Variants in SCUBE2 observed in about 807,000 individuals in gnomAD.
The protein encoded by SCUBE2 is signal peptide, CUB and EGF-like domain-containing protein 2.
SCUBE2 carries 114 observed loss-of-function variants against 125.9 expected under a neutral mutation model. The ratio of observed to expected loss-of-function variants is 0.91; its 90% CI spans 0.78 to 1.06. SCUBE2 has a LOEUF of 1.06. Ranked by LOEUF, SCUBE2 falls within the 50% of genes least tolerant of loss-of-function variation. The probability of loss-of-function intolerance (pLI) is 0.00; values close to 1 mark genes in which losing one functional copy is unlikely to be tolerated. For missense variants in SCUBE2, 1,255 were observed against 1,301.8 expected (o/e 0.96, Z 0.55); for synonymous variants, 459 against 492.9 (o/e 0.93, Z 0.91).
intron 16 of SCUBE2, among the ~76,000 whole-genome samples, chr11:9,039,156 A>AGAT (rs78419921): frequency 0.1 from 15,289 of 152,114 alleles, 1,409 homozygotes; most frequent in African/African-American, 0.24. Flanking sequence ...TGTTTTTAAG[A>AGAT]GATGTCCTGG....
chr11:9,051,760 A>G (rs976841442), intron 13 of SCUBE2, among the ~76,000 whole-genome samples: 3 of 152,238 alleles, frequency 2.0e-5, no homozygotes, highest in African/African-American at 7.2e-5. Flanking sequence ...ATTTAAAAAA[A>G]GGAAAATGTT....
chr11:9,024,119 G>T, intron 21 of SCUBE2: 1 of 726,024 alleles, frequency 1.4e-6, no homozygotes, highest in Non-Finnish European at 1.8e-6. Context: ...GGCATACACT[G>T]CATTATGCGT....
intron 4 of SCUBE2, 121 bp downstream of exon 4, chr11:9,074,354 ACTCGTC>A (rs1381498745): frequency 8.4e-7 from 1 of 1,187,028 alleles, no homozygotes; most frequent in Non-Finnish European, 1.2e-6. Context: ...TGGAGTCTGG[ACTCGTC>A]CTCAGGCCTC....
intron 16 of SCUBE2, among the ~76,000 whole-genome samples, chr11:9,039,939 T>C (rs1392663197): frequency 6.6e-6 from 1 of 152,224 alleles, no homozygotes; most frequent in East Asian, 1.9e-4. Flanking sequence ...AAAGCAGCTT[T>C]GATGGATTCC....
At chr11:9,065,745 A>G in intron 7 of SCUBE2, 146 bp downstream of exon 7, 1 of 657,272 alleles carries the variant, frequency 1.5e-6, no homozygotes, top group Non-Finnish European at 2.7e-6. Context: ...GGTGAAGAAC[A>G]GACACACACC....
Position 9,091,282 on chromosome 11 carries a change from T to G in SCUBE2, c.133+114A>C. Reference sequence around the variant, plus strand: ...GGGGGAGCAGAGGCCCCCGCGGAGCTGCAGCCGCCAGCCCCGAGCCCCGCG... The same window carrying G: ...GGGGGAGCAGAGGCCCCCGCGGAGCGGCAGCCGCCAGCCCCGAGCCCCGCG... On this transcript the variant is annotated intron_variant, in intron 1 of 22. Coordinates refer to ENST00000649792, the MANE Select transcript of SCUBE2 (RefSeq NM_001367977.2). This position sits in a 1 kb window ranked among gnomAD's most constrained non-coding sequence, Gnocchi z 8.5. 1 of 739,224 alleles carries G rather than the reference T, an allele frequency of 1.4e-6. No individual in the cohort carries two copies. Among genetic ancestry groups the G allele is most frequent in the African/African-American group, 1.9e-5 (1 of 53,682 alleles). The allele number at this position is 739,224 out of a possible 1,614,324, so 45.8% of individuals were successfully genotyped here.
At chr11:9,045,404 T>A (rs780983873) in intron 16 of SCUBE2, among the ~76,000 whole-genome samples, 10 of 152,074 alleles carry the variant, frequency 6.6e-5, no homozygotes, top group Non-Finnish European at 7.4e-5. Context: ...ACATAATGGT[T>A]CCATCTCTCC....
rs1384783942 is a variant in SCUBE2, at chr11:9,089,830, C to G, written c.134-1G>C. On this transcript the variant is annotated splice_acceptor_variant, in intron 1 of 22. Transcript: ENST00000649792. LOFTEE classifies it high-confidence loss of function. ...AGCCCTTGGGCACACTCATCTACAT[C>G]TGCAAAAGAGCACAGCTGACACCTG... is the stretch of plus-strand genomic sequence containing the variant. 2.5e-6 allele frequency: 4 copies of G among 1,613,380 alleles called. No individual in the cohort carries two copies. The highest frequency in any genetic ancestry group is 2.7e-5 in the African/African-American group (2 of 74,890).
intron 7 of SCUBE2, among the ~76,000 whole-genome samples, chr11:9,063,139 G>C (rs1395705652): frequency 2.6e-5 from 4 of 152,098 alleles, no homozygotes; most frequent in African/African-American, 9.7e-5. Context: ...TCAGCTACTG[G>C]GGAGGCTGAG....
intron 8 of SCUBE2, 67 bp from the exon 9 acceptor site, chr11:9,059,492 G>C: frequency 6.4e-7 from 1 of 1,552,772 alleles, no homozygotes; most frequent in Non-Finnish European, 8.8e-7. Context: ...ACTCCCTGAA[G>C]GGCCATTGTG....
At position 9,033,934 on chromosome 11, in the gene SCUBE2, C is replaced by T. The variant is rs537578842; in HGVS notation, c.2003-138G>A. On this transcript the variant is annotated intron_variant, in intron 16 of 22. Transcript: ENST00000649792. ...GCAAACTCCCTGAATACGCAGTGTG[C>T]CCTGCCTTGGTTCTCTCTGCACACC... 9.0e-5 allele frequency: 72 copies of T among 799,808 alleles called. 1 individual carries two copies. In the South Asian group the frequency reaches 1.1e-3, roughly 12 times the overall value. The allele number at this position is 799,808 out of a possible 1,614,324, so 49.5% of individuals were successfully genotyped here.
intron 8 of SCUBE2, 72 bp downstream of exon 8, chr11:9,060,336 C>T: frequency 2.6e-6 from 3 of 1,167,024 alleles, no homozygotes; most frequent in Non-Finnish European, 3.8e-6. Context: ...TTGCCTTTAT[C>T]CCCATATGTT....
chr11:9,082,427 A>C (rs1861714391), intron 2 of SCUBE2, among the ~76,000 whole-genome samples: 1 of 152,196 alleles, frequency 6.6e-6, no homozygotes, highest in Non-Finnish European at 1.5e-5. Flanking sequence ...TTTCTTAAAA[A>C]TTTAAACACA....
rs750670115 is a variant in SCUBE2, at chr11:9,065,979, C to A, written c.762G>T (p.Glu254Asp). The change falls in exon 7 of 23, where the codon GAG becomes GAT. Residue 254 changes from glutamate to aspartate, a missense_variant and splice_region_variant. Transcript: ENST00000649792. Reference sequence around the variant, plus strand: ...TCACCTCCAGGACAGTGTCCTCTCGCTCTACAAGAGAAGCAAAAGAGCACG... The same window carrying A: ...TCACCTCCAGGACAGTGTCCTCTCGATCTACAAGAGAAGCAAAAGAGCACG... ...KMHTDGRSCL[E>D]REDTVLEVTE... is the part of the protein sequence containing the mutation. 1.9e-5 allele frequency: 31 copies of A among 1,612,452 alleles called. No individual in the cohort carries two copies. The highest frequency in any genetic ancestry group is 2.5e-6 in the Non-Finnish European group (3 of 1,178,644).
chr11:9,072,946 G>A (rs1443082374), intron 4 of SCUBE2, among the ~76,000 whole-genome samples: 3 of 152,184 alleles, frequency 2.0e-5, no homozygotes, highest in African/African-American at 7.2e-5. Context: ...GCTGAGCCAG[G>A]GCTCTGGAAG....
chr11:9,045,991 GTCTT>G (rs1349446864), intron 16 of SCUBE2, among the ~76,000 whole-genome samples: 4 of 145,554 alleles, frequency 2.7e-5, no homozygotes, highest in African/African-American at 1.0e-4. Flanking sequence ...TCTACTGAGT[GTCTT>G]TCTTTCTTTT....
intron 16 of SCUBE2, among the ~76,000 whole-genome samples, chr11:9,036,274 T>C (rs951033916): frequency 6.6e-6 from 1 of 152,218 alleles, no homozygotes; most frequent in Non-Finnish European, 1.5e-5. Flanking sequence ...TGATGGCAAA[T>C]AGAGTATAAT....
chr11:9,089,326 G>A (rs963605931), intron 2 of SCUBE2, among the ~76,000 whole-genome samples: 21 of 152,194 alleles, frequency 1.4e-4, no homozygotes, highest in African/African-American at 5.1e-4. Context: ...TCAGACTTCA[G>A]GGCAAAGGTA....
intron 2 of SCUBE2, 132 bp downstream of exon 2, chr11:9,089,575 G>T: frequency 1.0e-6 from 1 of 963,142 alleles, no homozygotes; most frequent in Non-Finnish European, 1.6e-6. Context: ...TCAGAGAGCA[G>T]GTGATGTGAT....
Sources: allele counts gnomAD v4.1 joint callset (sites outside exome capture counted in the v4.1 genomes callset), GRCh38; gene constraint gnomAD v4.1.1; non-coding constraint Gnocchi (gnomAD v3.1); transcripts MANE v1.5; gene names NCBI Gene and HGNC (gene_info 2026-07-23, HGNC 2026-07-21).